The following TRMT10B variants were observed in gnomAD, a reference collection of about 807,000 sequenced individuals.
TRMT10B encodes the protein tRNA methyltransferase 10 homolog B.
In TRMT10B, 33 loss-of-function variants were observed where a neutral mutation model predicts 43.8. The observed-to-expected ratio is 0.75, with a 90% CI of 0.57 to 1.01. The LOEUF (loss-of-function observed/expected upper bound fraction) is 1.01. TRMT10B is among the 50% of genes least tolerant of loss of function. TRMT10B has a pLI of 0.00. For synonymous variants in TRMT10B, 137 were observed against 130.6 expected (o/e 1.05, Z -0.34); for missense variants, 362 against 369.8 (o/e 0.98, Z 0.17).
At chr9:37,753,590 G>T (rs1201395422), upstream of TRMT10B, among the ~76,000 whole-genome samples, 1 of 152,170 alleles carries the variant, frequency 6.6e-6, no homozygotes, top group Non-Finnish European at 1.5e-5. Flanking sequence ...AAAGGGTTGG[G>T]GTTGTAATAG....
intron 1 of TRMT10B, among the ~76,000 whole-genome samples, chr9:37,754,294 A>AT (rs1825355826): frequency 6.6e-6 from 1 of 152,238 alleles, no homozygotes; most frequent in Non-Finnish European, 1.5e-5. Flanking sequence ...GGATAGTAAT[A>AT]TGAATGAGGA....
At chr9:37,774,143 G>A (rs991673507) in intron 7 of TRMT10B, among the ~76,000 whole-genome samples, 5 of 152,112 alleles carry the variant, frequency 3.3e-5, no homozygotes, top group Non-Finnish European at 5.9e-5. Flanking sequence ...CCAAGTAGCT[G>A]GGACCACAGG....
chr9:37,774,093 A>G (rs1409308255), intron 7 of TRMT10B, among the ~76,000 whole-genome samples: 5 of 152,196 alleles, frequency 3.3e-5, no homozygotes, highest in Admixed American at 2.0e-4. Flanking sequence ...TGGCACAATC[A>G]GCTTACTCCA....
intron 5 of TRMT10B, 141 bp downstream of exon 5, chr9:37,768,369 A>G: frequency 2.1e-6 from 2 of 963,046 alleles, no homozygotes; most frequent in Non-Finnish European, 3.0e-6. Context: ...TAAGTTCTTA[A>G]ATTTAAAATT....
intron 5 of TRMT10B, 102 bp from the exon 6 acceptor site, chr9:37,769,839 G>A: frequency 1.1e-6 from 1 of 891,920 alleles, no homozygotes; most frequent in Non-Finnish European, 1.9e-6. Flanking sequence ...TGGAGCTCAA[G>A]TGATCCTTCC....
chr9:37,761,589 T>C (rs905769258), intron 1 of TRMT10B, among the ~76,000 whole-genome samples: 2 of 152,094 alleles, frequency 1.3e-5, no homozygotes, highest in Non-Finnish European at 2.9e-5. Context: ...TCCCAGCTAC[T>C]CAGGAGGCTG....
Position 37,754,832 on chromosome 9 carries a change from A to G in TRMT10B, c.-30+980A>G, listed in dbSNP as rs540430294. ...AATGAAGAAATGAAAAATAAATGAA[A>G]TCTCACTTCTTGATACTGTTACAAT... On this transcript the variant is annotated intron_variant, in intron 1 of 8. Coordinates refer to ENST00000297994, the MANE Select transcript of TRMT10B (RefSeq NM_144964.4). Among the ~76,000 whole-genome samples the G allele has an allele frequency of 4.1e-4, 62 of 152,276 alleles. 1 individual carries two copies. The highest frequency in any genetic ancestry group is 1.5e-3 in the South Asian group (7 of 4,824).
chr9:37,773,001 A>C (rs1827748953), intron 7 of TRMT10B, among the ~76,000 whole-genome samples: 5 of 152,254 alleles, frequency 3.3e-5, no homozygotes, highest in Admixed American at 3.3e-4. Context: ...GTTTTCTTTG[A>C]AGTGAAAATG....
chr9:37,763,049 A>G (rs963944841), intron 3 of TRMT10B, among the ~76,000 whole-genome samples: 6 of 148,258 alleles, frequency 4.0e-5, no homozygotes, highest in Non-Finnish European at 7.4e-5. Flanking sequence ...AGGCTGAGGC[A>G]GGAGAATCAC....
chr9:37,765,851 T>C (rs1387480594), intron 4 of TRMT10B, among the ~76,000 whole-genome samples: 1 of 152,230 alleles, frequency 6.6e-6, no homozygotes, highest in Non-Finnish European at 1.5e-5. Context: ...TGATGAGCAT[T>C]TTTTCATGTG....
intron 7 of TRMT10B, among the ~76,000 whole-genome samples, chr9:37,775,388 G>A (rs1014147055): frequency 6.6e-6 from 1 of 152,172 alleles, no homozygotes; most frequent in Non-Finnish European, 1.5e-5. Flanking sequence ...GGCAGCAAAT[G>A]TAATCTGACT....
chr9:37,770,781 G>T (rs750319016), intron 7 of TRMT10B, 42 bp downstream of exon 7: 1 of 1,601,120 alleles, frequency 6.2e-7, no homozygotes, highest in Non-Finnish European at 8.5e-7. Context: ...TTAAAAAGCA[G>T]TGCTTACTTT....
At chr9:37,772,124 G>A (rs10973534) in intron 7 of TRMT10B, among the ~76,000 whole-genome samples, 23,709 of 152,078 alleles carry the variant, frequency 0.16, 1,968 homozygotes, top group South Asian at 0.23. Flanking sequence ...TGAACCGCCC[G>A]CCTCAGCCTC....
At chr9:37,754,094 G>A (rs753051787) in intron 1 of TRMT10B, among the ~76,000 whole-genome samples, 1 of 152,254 alleles carries the variant, frequency 6.6e-6, no homozygotes. Flanking sequence ...TCACTTAGCG[G>A]CAGTGTAGGT....
intron 4 of TRMT10B, among the ~76,000 whole-genome samples, chr9:37,766,480 A>G (rs1826997674): frequency 6.6e-6 from 1 of 152,170 alleles, no homozygotes; most frequent in African/African-American, 2.4e-5. Flanking sequence ...TGGTTACTGT[A>G]GCCTTGTAGT....
rs150027440 is a variant in TRMT10B at position 37,757,244 on chromosome 9, C to T, written c.-30+3392C>T. Among the ~76,000 whole-genome samples the T allele has an allele frequency of 3.6e-4, 55 of 152,208 alleles. No homozygotes were observed. The East Asian group carries it at 0.01, about 28-fold the overall frequency. On this transcript the variant is annotated intron_variant, in intron 1 of 8. Coordinates refer to ENST00000297994, the MANE Select transcript of TRMT10B (RefSeq NM_144964.4). Reference sequence around the variant, plus strand: ...GACTACAGGTGTGCATCATCATGCTCATCTAATTCTTTGTGGAGGTGGGGT... The same window carrying T: ...GACTACAGGTGTGCATCATCATGCTTATCTAATTCTTTGTGGAGGTGGGGT...
chr9:37,761,026 T>G (rs539024383), intron 1 of TRMT10B, among the ~76,000 whole-genome samples: 2 of 152,344 alleles, frequency 1.3e-5, no homozygotes, highest in South Asian at 4.1e-4. Context: ...CAGTGGTGAC[T>G]GGCTTTCTAC....
intron 1 of TRMT10B, among the ~76,000 whole-genome samples, chr9:37,756,802 G>GTA (rs10636246): frequency 0.32 from 48,417 of 150,298 alleles, 7,858 homozygotes; most frequent in Non-Finnish European, 0.35. Flanking sequence ...ATGTGTATGT[G>GTA]TATATATGTG....
intron 1 of TRMT10B, among the ~76,000 whole-genome samples, chr9:37,754,108 C>T (rs1352805203): frequency 2.0e-5 from 3 of 152,220 alleles, no homozygotes; most frequent in East Asian, 1.9e-4. Flanking sequence ...TGTAGGTACC[C>T]ATCAGGTGGG....
Sources: gnomAD v4.1 joint callset for allele counts (sites outside exome capture counted in the v4.1 genomes callset) on GRCh38, gnomAD v4.1.1 for gene constraint, MANE v1.5 for transcripts, NCBI Gene and HGNC (gene_info 2026-07-23, HGNC 2026-07-21) for gene names.